GRIK4: variants seen among roughly 807,000 people sequenced by gnomAD.
The protein encoded by GRIK4 is glutamate ionotropic receptor kainate type subunit 4, also known as glutamate receptor ionotropic, kainate 4.
Under a neutral mutation model 104.9 loss-of-function variants are expected in GRIK4, and 40 were observed. That is an observed-to-expected ratio of 0.38 (90% CI 0.30 to 0.50). The LOEUF (loss-of-function observed/expected upper bound fraction) is 0.50, where lower values mean the gene tolerates loss of function less well. Ranked by LOEUF, GRIK4 falls within the 20% of genes least tolerant of loss-of-function variation. The pLI is 0.93. For synonymous variants in GRIK4, 485 were observed against 524.9 expected, an observed-to-expected ratio of 0.92 and a Z score of 1.04; for missense variants, 1,047 against 1,308.1, an observed-to-expected ratio of 0.80 and a Z score of 3.08.
chr11:120,712,488 C>T (rs1950752991), intron 3 of GRIK4, among the ~76,000 whole-genome samples: 1 of 152,136 alleles, frequency 6.6e-6, no homozygotes, highest in Non-Finnish European at 1.5e-5. Context: ...CTGTGCTTTT[C>T]TTCTAAATTT....
chr11:120,899,485 C>G (rs537314309), intron 12 of GRIK4, among the ~76,000 whole-genome samples: 85 of 151,238 alleles, frequency 5.6e-4, no homozygotes, highest in African/African-American at 1.9e-3. Context: ...TGATTCTCCT[C>G]TATTCAGTAA....
intron 3 of GRIK4, among the ~76,000 whole-genome samples, chr11:120,783,805 A>G (rs976295296): frequency 3.9e-5 from 6 of 152,218 alleles, no homozygotes; most frequent in Admixed American, 2.6e-4. Context: ...AAGAATACCA[A>G]AGCAGGTTAG....
In GRIK4 at chr11:120,987,795, C is replaced by T. The variant is rs781299792; in HGVS notation, c.*1535C>T. 1.3e-5 allele frequency: 2 copies of T among 152,230 alleles called. No individual in the cohort carries two copies. The highest frequency in any genetic ancestry group is 2.4e-5 in the African/African-American group (1 of 41,430). 9.4% of individuals were successfully genotyped at this position (152,230 alleles called of 1,614,324 possible). On this transcript the variant is annotated 3_prime_UTR_variant, in exon 21 of 21. Coordinates refer to ENST00000527524, the MANE Select transcript of GRIK4 (RefSeq NM_014619.5). ...GCGAGGCTTTCTACAGCTGCTTGAC[C>T]TTTGCTTGGCTTCACTAATTGGGAG...
intron 8 of GRIK4, among the ~76,000 whole-genome samples, chr11:120,837,842 G>A (rs1953613943): frequency 6.6e-6 from 1 of 152,148 alleles, no homozygotes; most frequent in South Asian, 2.1e-4. Flanking sequence ...AGCAAAGAGA[G>A]ATTAAAGTAC....
intron 11 of GRIK4, among the ~76,000 whole-genome samples, chr11:120,893,097 T>C (rs1942463229): frequency 6.6e-6 from 1 of 152,220 alleles, no homozygotes; most frequent in African/African-American, 2.4e-5. Flanking sequence ...GGCTTCGTAA[T>C]GATAACACTG....
intron 7 of GRIK4, among the ~76,000 whole-genome samples, chr11:120,834,349 G>A (rs949319423): frequency 6.7e-6 from 1 of 150,160 alleles, no homozygotes; most frequent in Admixed American, 6.6e-5. Context: ...ATCATTATTA[G>A]CAAATGGTTC....
intron 3 of GRIK4, among the ~76,000 whole-genome samples, chr11:120,776,577 A>G (rs1952047256): frequency 6.6e-6 from 1 of 152,234 alleles, no homozygotes. Context: ...CCCAAGACTT[A>G]GCTGGCTTAA....
At chr11:120,955,257 G>GTGCC (rs1387372347) in intron 15 of GRIK4, among the ~76,000 whole-genome samples, 1 of 152,224 alleles carries the variant, frequency 6.6e-6, no homozygotes, top group African/African-American at 2.4e-5. Flanking sequence ...GGGCACCAGA[G>GTGCC]TGCCAGCCAG....
chr11:120,956,681 A>G lies in GRIK4; in HGVS notation c.1701-99A>G. The G allele has an allele frequency of 7.3e-6, 6 of 816,444 alleles. No individual in the cohort carries two copies. Among genetic ancestry groups the G allele is most frequent in the Non-Finnish European group, 1.1e-5 (6 of 564,148 alleles). 50.6% of individuals were successfully genotyped at this position (816,444 alleles called of 1,614,324 possible). A position where few individuals can be genotyped will look rare whatever the true frequency, so the allele number is the denominator to read the frequency against. ...AAAGGGAAGTGGCTTGCCCAAGGCC[A>G]CAGGCCGGTCTCAGAGGTGAGACCA... On this transcript the variant is annotated intron_variant, in intron 15 of 20. Coordinates refer to ENST00000527524, the MANE Select transcript of GRIK4 (RefSeq NM_014619.5). The surrounding 1 kb of genome is among the most constrained non-coding windows in gnomAD (Gnocchi z 4.6).
rs1392267956 is a variant in GRIK4 at position 120,849,312 on chromosome 11, T to C, written c.744+12468T>C. ...ATCTCTGGACACATAATGGAAATGC[T>C]CCCCTTTGACTGCCCAGGCCTTCTA... On this transcript the variant is annotated intron_variant, in intron 8 of 20. Transcript: ENST00000527524. 2.0e-5 allele frequency among the ~76,000 whole-genome samples: 3 copies of C among 152,110 alleles called. No individual in the cohort carries two copies. In the East Asian group the frequency reaches 5.8e-4, roughly 29 times the overall value.
chr11:120,710,997 T>TC lies in GRIK4; in HGVS notation c.82+50597_82+50598insC, dbSNP rs1555046760. Reference sequence around the variant, plus strand: ...GCCAGCCTCGCTTGCCCCTGTGAGGTGGGGAGGGGGTGTGAGCAGCTGCAG... The same window carrying TC: ...GCCAGCCTCGCTTGCCCCTGTGAGGTCGGGGAGGGGGTGTGAGCAGCTGCAG... On this transcript the variant is annotated intron_variant, in intron 3 of 20. Transcript: ENST00000527524. 4.0e-5 allele frequency among the ~76,000 whole-genome samples: 5 copies of TC among 124,864 alleles called. 1 individual carries two copies. Among genetic ancestry groups the TC allele is most frequent in the South Asian group, 2.7e-4 (1 of 3,698 alleles). 81.9% of individuals were successfully genotyped at this position (124,864 alleles called of 152,430 possible).
chr11:120,604,882 A>C (rs1300414288), intron 1 of GRIK4, among the ~76,000 whole-genome samples: 5 of 152,214 alleles, frequency 3.3e-5, no homozygotes. Context: ...TATGTATTTG[A>C]GACAGGGTCT....
intron 1 of GRIK4, among the ~76,000 whole-genome samples, chr11:120,586,950 C>G (rs1371375657): frequency 6.6e-6 from 1 of 152,206 alleles, no homozygotes; most frequent in Non-Finnish European, 1.5e-5. Flanking sequence ...TTGGCCTAAT[C>G]AGACCCTGTC....
chr11:120,526,315 T>C (rs1947855696), intron 1 of GRIK4, among the ~76,000 whole-genome samples: 1 of 149,444 alleles, frequency 6.7e-6, no homozygotes, highest in Admixed American at 6.6e-5. Context: ...GCACCCGCCC[T>C]CTCACCCCAG....
intron 1 of GRIK4, among the ~76,000 whole-genome samples, chr11:120,529,262 C>T (rs1947898710): frequency 6.6e-6 from 1 of 152,232 alleles, no homozygotes. Context: ...ACCACATCCA[C>T]TTCTGTGCCA....
chr11:120,557,237 C>T (rs1948196461), intron 1 of GRIK4, among the ~76,000 whole-genome samples: 1 of 152,224 alleles, frequency 6.6e-6, no homozygotes, highest in African/African-American at 2.4e-5. Flanking sequence ...CTCCTGTCCC[C>T]CCCGAGGACT....
chr11:120,538,591 G>A (rs902493706), intron 1 of GRIK4, among the ~76,000 whole-genome samples: 1 of 152,210 alleles, frequency 6.6e-6, no homozygotes, highest in African/African-American at 2.4e-5. Context: ...GGCCGCTTAC[G>A]GCTGGCTGGG....
chr11:120,798,313 C>A (rs139720893), intron 3 of GRIK4, among the ~76,000 whole-genome samples: 22 of 151,830 alleles, frequency 1.4e-4, no homozygotes, highest in African/African-American at 5.1e-4. Flanking sequence ...TGCCCGACAC[C>A]ACACCTGGCT....
intron 3 of GRIK4, among the ~76,000 whole-genome samples, chr11:120,734,445 T>C (rs1253510808): frequency 1.3e-5 from 2 of 152,194 alleles, no homozygotes; most frequent in Non-Finnish European, 1.5e-5. Flanking sequence ...TTTGTTTCTG[T>C]TCTCTTGCTG....
Sources: gnomAD v4.1 joint callset for allele counts (sites outside exome capture counted in the v4.1 genomes callset) on GRCh38, gnomAD v4.1.1 for gene constraint, Gnocchi (gnomAD v3.1) non-coding constraint, MANE v1.5 for transcripts, NCBI Gene and HGNC (gene_info 2026-07-23, HGNC 2026-07-21) for gene names.